The following AKAP6 variants were observed in gnomAD, a reference collection of about 807,000 sequenced individuals.
The protein encoded by AKAP6 is A-kinase anchoring protein 6.
In AKAP6, 58 loss-of-function variants were observed where a neutral mutation model predicts 188.5. That is an observed-to-expected ratio of 0.31 (90% confidence interval 0.25 to 0.38). The LOEUF (loss-of-function observed/expected upper bound fraction) is 0.38. Ranked by LOEUF, AKAP6 falls within the 10% of genes least tolerant of loss-of-function variation. The pLI, the probability that AKAP6 is intolerant of heterozygous loss-of-function variation, is 1.00. For missense variants in AKAP6, 2,710 were observed against 2,740.0 expected (o/e 0.99, Z 0.24); for synonymous variants, 989 against 998.6 (o/e 0.99, Z 0.18).
chr14:32,627,613 CTCT>C lies in AKAP6; in HGVS notation c.2730+26825_2730+26827del, dbSNP rs1218499511. Among the ~76,000 whole-genome samples the C allele has an allele frequency of 3.3e-5, 5 of 152,220 alleles. No individual in the cohort carries two copies. The South Asian group carries it at 1.0e-3, about 32-fold the overall frequency. The stretch of plus-strand genomic sequence containing the variant: ...GTTTAGCAAAACAATGGGTTAGTGT[CTCT>C]TCTCTTTTTTCTAGCACAACCCTCA... On this transcript the variant is annotated intron_variant, in intron 7 of 13. Transcript: ENST00000280979.
At position 32,792,033 on chromosome 14, in the gene AKAP6, A is replaced by G. The variant is rs1341191517; in HGVS notation, c.3588+18140A>G. Reference sequence around the variant, plus strand: ...GTTTTGGTTACTGTAGCCTTGTAGTATAGTTTGAAGTCAGGTAGCATGATG... The same window carrying G: ...GTTTTGGTTACTGTAGCCTTGTAGTGTAGTTTGAAGTCAGGTAGCATGATG... On this transcript the variant is annotated intron_variant, in intron 12 of 13. Transcript: ENST00000280979. 2.0e-5 allele frequency among the ~76,000 whole-genome samples: 3 copies of G among 152,078 alleles called. No individual in the cohort carries two copies. In the East Asian group the frequency reaches 5.8e-4, roughly 29 times the overall value.
intron 8 of AKAP6, among the ~76,000 whole-genome samples, chr14:32,695,471 C>G (rs1273558580): frequency 6.6e-6 from 1 of 152,102 alleles, no homozygotes; most frequent in Non-Finnish European, 1.5e-5. Flanking sequence ...ATATTTGGAG[C>G]TGATAGTGAT....
chr14:32,742,468 T>A (rs1386507969), intron 11 of AKAP6, among the ~76,000 whole-genome samples: 1 of 152,030 alleles, frequency 6.6e-6, no homozygotes, highest in Non-Finnish European at 1.5e-5. Flanking sequence ...TATTGTTTAT[T>A]TGAAGTTTTT....
At chr14:32,808,925 G>A (rs1399033107) in intron 12 of AKAP6, among the ~76,000 whole-genome samples, 2 of 152,188 alleles carry the variant, frequency 1.3e-5, no homozygotes, top group African/African-American at 4.8e-5. Flanking sequence ...AAATGGGGCT[G>A]CTTCAGGGAG....
In AKAP6 at chr14:32,832,951, T is replaced by C. The variant is rs1443534482; in HGVS notation, c.*3146T>C. 2 of 152,674 alleles carry C rather than the reference T, an allele frequency of 1.3e-5. No homozygotes were observed. The highest frequency in any genetic ancestry group is 2.9e-5 in the Non-Finnish European group (2 of 68,042). The allele number at this position is 152,674 out of a possible 1,614,324, so 9.5% of individuals were successfully genotyped here. On this transcript the variant is annotated 3_prime_UTR_variant, in exon 14 of 14. Coordinates refer to ENST00000280979, the MANE Select transcript of AKAP6 (RefSeq NM_004274.5). ...CATTAAGGAACTGTCTTCATCATCA[T>C]ACATGTAGAAAAGAATCTGAACATT...
Position 32,341,072 on chromosome 14 carries a change from A to G in AKAP6, c.-35+11664A>G, listed in dbSNP as rs116233544. Among the ~76,000 whole-genome samples the G allele has an allele frequency of 2.6e-3, 402 of 152,370 alleles. 2 individuals are homozygous for G. The highest frequency in any genetic ancestry group is 9.5e-3 in the African/African-American group (395 of 41,596). Reference sequence around the variant, plus strand: ...GTTTTATTAGCTTATATTTCATAATACTTTTGGTGGTCAACCTAAAGTCAA... The same window carrying G: ...GTTTTATTAGCTTATATTTCATAATGCTTTTGGTGGTCAACCTAAAGTCAA... On this transcript the variant is annotated intron_variant, in intron 1 of 13. Transcript: ENST00000280979.
chr14:32,526,094 TCACTCTATTGCC>T (rs1418883738), intron 2 of AKAP6, among the ~76,000 whole-genome samples: 10 of 152,192 alleles, frequency 6.6e-5, no homozygotes, highest in Non-Finnish European at 1.3e-4. Context: ...AGACAGGGTC[TCACTCTATTGCC>T]CAGGCTGGAG....
chr14:32,580,997 G>A (rs1236245685), intron 5 of AKAP6, among the ~76,000 whole-genome samples: 1 of 152,076 alleles, frequency 6.6e-6, no homozygotes, highest in Non-Finnish European at 1.5e-5. Context: ...ATTGTGAATA[G>A]TGCCGCAATA....
At chr14:32,507,427 A>G (rs1324340209) in intron 2 of AKAP6, among the ~76,000 whole-genome samples, 1 of 152,208 alleles carries the variant, frequency 6.6e-6, no homozygotes, top group African/African-American at 2.4e-5. Context: ...ATTAACTTCT[A>G]CATTTAAAAT....
intron 1 of AKAP6, among the ~76,000 whole-genome samples, chr14:32,399,557 G>A (rs2138609976): frequency 6.6e-6 from 1 of 152,040 alleles, no homozygotes; most frequent in Non-Finnish European, 1.5e-5. Flanking sequence ...GGCCTTCTGG[G>A]GACTCCCCAC....
At chr14:32,552,716 G>A (rs1235650765) in intron 4 of AKAP6, among the ~76,000 whole-genome samples, 1 of 152,178 alleles carries the variant, frequency 6.6e-6, no homozygotes, top group Non-Finnish European at 1.5e-5. Flanking sequence ...GTAGTTGAAA[G>A]TAAAGTCAAA....
At chr14:32,775,038 T>C (rs866874638) in intron 12 of AKAP6, among the ~76,000 whole-genome samples, 79 of 152,294 alleles carry the variant, frequency 5.2e-4, no homozygotes, top group African/African-American at 1.8e-3. Flanking sequence ...TCGTCAATAG[T>C]TCTGTTTAAT....
At chr14:32,464,046 A>T (rs979986077) in intron 2 of AKAP6, among the ~76,000 whole-genome samples, 2 of 152,384 alleles carry the variant, frequency 1.3e-5, no homozygotes, top group East Asian at 3.9e-4. Flanking sequence ...TAAACGAGGA[A>T]GAAGTCAAAT....
intron 7 of AKAP6, among the ~76,000 whole-genome samples, chr14:32,617,782 C>G (rs557397873): frequency 6.6e-6 from 1 of 152,114 alleles, no homozygotes; most frequent in Non-Finnish European, 1.5e-5. Flanking sequence ...TGTGCCACCA[C>G]GCCCAGCTAA....
At chr14:32,746,647 A>G (rs2031922309) in intron 11 of AKAP6, among the ~76,000 whole-genome samples, 1 of 152,142 alleles carries the variant, frequency 6.6e-6, no homozygotes, top group Non-Finnish European at 1.5e-5. Flanking sequence ...GCTCTGCCCC[A>G]TCCGCTATTA....
intron 12 of AKAP6, among the ~76,000 whole-genome samples, chr14:32,782,106 A>G (rs1053017845): frequency 7.0e-6 from 1 of 143,536 alleles, no homozygotes. Context: ...TGGAGGTTGC[A>G]GTGAGCCGAG....
intron 1 of AKAP6, among the ~76,000 whole-genome samples, chr14:32,395,181 T>C (rs1285094381): frequency 6.6e-6 from 1 of 152,130 alleles, no homozygotes; most frequent in Non-Finnish European, 1.5e-5. Context: ...CCATCTTCTT[T>C]CTCTTTCACC....
intron 7 of AKAP6, among the ~76,000 whole-genome samples, chr14:32,650,687 C>T (rs2180449): frequency 0.33 from 50,257 of 151,938 alleles, 9,685 homozygotes; most frequent in East Asian, 0.85. Context: ...GAAAAGTAAA[C>T]CAATGACCAG....
At chr14:32,674,124 C>G (rs1889332790) in intron 7 of AKAP6, among the ~76,000 whole-genome samples, 1 of 152,106 alleles carries the variant, frequency 6.6e-6, no homozygotes, top group Non-Finnish European at 1.5e-5. Flanking sequence ...TGCAAAGGTC[C>G]TGAGGCAAGA....
Sources: gnomAD v4.1 joint callset for allele counts (sites outside exome capture counted in the v4.1 genomes callset) on GRCh38, gnomAD v4.1.1 for gene constraint, MANE v1.5 for transcripts, NCBI Gene and HGNC (gene_info 2026-07-23, HGNC 2026-07-21) for gene names.